PLXNA4: variants seen among roughly 807,000 people sequenced by gnomAD.
PLXNA4 encodes the protein plexin A4.
A neutral mutation model predicts 191.8 loss-of-function variants in PLXNA4; 44 were observed. That is an observed-to-expected ratio of 0.23 (90% CI 0.18 to 0.29). The LOEUF (loss-of-function observed/expected upper bound fraction) is 0.29. Ranked by LOEUF, PLXNA4 falls within the 10% of genes least tolerant of loss-of-function variation. The pLI, the probability that PLXNA4 is intolerant of heterozygous loss-of-function variation, is 1.00. For synonymous variants in PLXNA4, 1,082 were observed against 1,009.5 expected, an observed-to-expected ratio of 1.07 and a Z score of -1.36; for missense variants, 1,800 against 2,488.8, an observed-to-expected ratio of 0.72 and a Z score of 5.89.
At chr7:132,365,355 G>A (rs1377593006) in intron 3 of PLXNA4, among the ~76,000 whole-genome samples, 1 of 138,176 alleles carries the variant, frequency 7.2e-6, no homozygotes, top group Middle Eastern at 3.4e-3. Context: ...GTGTGTGTGT[G>A]TGTGTGCGTG....
At chr7:132,359,216 T>C (rs1803833239) in intron 3 of PLXNA4, among the ~76,000 whole-genome samples, 1 of 148,940 alleles carries the variant, frequency 6.7e-6, no homozygotes, top group Admixed American at 6.7e-5. Context: ...CTGCTTTTTT[T>C]TTTTTTTTTT....
In PLXNA4 at chr7:132,130,462, C is replaced by T; in HGVS notation, c.*17G>A. On this transcript the variant is annotated 3_prime_UTR_variant, in exon 32 of 32. Transcript: ENST00000321063. ...CTTGGTGTGTCCCCCTCCAGGGCGG[C>T]CCTGGAAGGACGGTTCTCAGCTGTC... The T allele has an allele frequency of 1.2e-6, 2 of 1,614,074 alleles. No homozygotes were observed. Among genetic ancestry groups the T allele is most frequent in the Non-Finnish European group, 1.7e-6 (2 of 1,179,962 alleles).
chr7:132,427,041 C>T (rs752881500), intron 3 of PLXNA4, among the ~76,000 whole-genome samples: 10 of 152,124 alleles, frequency 6.6e-5, no homozygotes, highest in Non-Finnish European at 1.3e-4. Flanking sequence ...GGATTCTTCC[C>T]CAGAACTAGT....
At position 132,124,110 on chromosome 7, in the gene PLXNA4, G is replaced by A. The variant is rs1015650511; in HGVS notation, c.*6369C>T. 6.6e-5 allele frequency: 10 copies of A among 152,234 alleles called. No individual in the cohort carries two copies. The highest frequency in any genetic ancestry group is 3.3e-4 in the Admixed American group (5 of 15,282). The allele number at this position is 152,234 out of a possible 1,614,324, so 9.4% of individuals were successfully genotyped here. The stretch of plus-strand genomic sequence containing the variant: ...TTCCTGCTCAAAGCAGCCAACACAC[G>A]ACTAAGCAAAGACCGTATGTCTCAA... On this transcript the variant is annotated 3_prime_UTR_variant, in exon 32 of 32. Transcript: ENST00000321063.
intron 3 of PLXNA4, among the ~76,000 whole-genome samples, chr7:132,344,602 C>T (rs759552625): frequency 6.6e-6 from 1 of 152,200 alleles, no homozygotes; most frequent in Non-Finnish European, 1.5e-5. Flanking sequence ...CTCCTTTAAA[C>T]CTCCTGGAGG....
intron 25 of PLXNA4, among the ~76,000 whole-genome samples, chr7:132,151,406 AGGAAGGAGGAGGAGGAGGAGGAGGAAGG>A: frequency 1.8e-5 from 1 of 56,498 alleles, no homozygotes; most frequent in African/African-American, 9.0e-5. Flanking sequence ...GAGGAGGAGG[AGGAAGGAGGAGGAGGAGGAGGAGGAAGG>A]AGGAGGAGGA....
intron 3 of PLXNA4, among the ~76,000 whole-genome samples, chr7:132,340,009 C>T (rs572115467): frequency 2.0e-5 from 3 of 152,314 alleles, no homozygotes; most frequent in African/African-American, 7.2e-5. Context: ...CTCAGCATCC[C>T]TGCCTAGCTA....
intron 3 of PLXNA4, chr7:132,384,739 T>G (rs2116957593): frequency 4.9e-6 from 5 of 1,024,982 alleles, no homozygotes; most frequent in Non-Finnish European, 5.8e-6. Flanking sequence ...TAAACACAGA[T>G]AAGCATACAC....
At chr7:132,241,257 A>G in intron 4 of PLXNA4, 91 bp from the exon 5 acceptor site, 1 of 826,756 alleles carries the variant, frequency 1.2e-6, no homozygotes, top group African/African-American at 1.7e-5. Flanking sequence ...TATCAAGTGT[A>G]TCACCTGAAA....
rs558859367 is a variant in PLXNA4 at position 132,124,709 on chromosome 7, CA to C, written c.*5769del. ...AGAGATGTGTAGGATTCGGCAGTAC[CA>C]GGGGCAGCCCAGAGAGCCAAGCATA... On this transcript the variant is annotated 3_prime_UTR_variant, in exon 32 of 32. Coordinates refer to ENST00000321063, the MANE Select transcript of PLXNA4 (RefSeq NM_020911.2). The C allele has an allele frequency of 3.0e-4, 45 of 152,310 alleles. No individual in the cohort carries two copies. The highest frequency in any genetic ancestry group is 1.0e-3 in the African/African-American group (43 of 41,576). The allele number at this position is 152,310 out of a possible 1,614,324, so 9.4% of individuals were successfully genotyped here. A position where few individuals can be genotyped will look rare whatever the true frequency, so the allele number is the denominator to read the frequency against.
chr7:132,494,296 G>GTTT (rs1797915945), intron 2 of PLXNA4, among the ~76,000 whole-genome samples: 3 of 152,196 alleles, frequency 2.0e-5, no homozygotes, highest in Non-Finnish European at 4.4e-5. Context: ...GAGACTGAGC[G>GTTT]CTATTCATTA....
chr7:132,351,145 G>C (rs1803468522), intron 3 of PLXNA4, among the ~76,000 whole-genome samples: 1 of 152,236 alleles, frequency 6.6e-6, no homozygotes, highest in South Asian at 2.1e-4. Context: ...TGGAGCTGGA[G>C]AGGGTGATGG....
At position 132,419,014 on chromosome 7, in the gene PLXNA4, G is replaced by T. The variant is rs192445735; in HGVS notation, c.1371+70278C>A. Among the ~76,000 whole-genome samples the T allele has an allele frequency of 2.0e-5, 3 of 152,362 alleles. No homozygotes were observed. In the East Asian group the frequency reaches 5.8e-4, roughly 29 times the overall value. On this transcript the variant is annotated intron_variant, in intron 3 of 31. Coordinates refer to ENST00000321063, the MANE Select transcript of PLXNA4 (RefSeq NM_020911.2). ...ATCTCACTTCTTGTCACCACGTACA[G>T]GCACCGTCTCCTTGTCACTGAGTAT...
At chr7:132,348,304 T>C (rs1350014617) in intron 3 of PLXNA4, among the ~76,000 whole-genome samples, 1 of 152,142 alleles carries the variant, frequency 6.6e-6, no homozygotes, top group Non-Finnish European at 1.5e-5. Context: ...ACCTACCTCC[T>C]AGGGTTTGCC....
intron 4 of PLXNA4, among the ~76,000 whole-genome samples, chr7:132,287,126 C>T (rs776827967): frequency 6.6e-6 from 1 of 152,144 alleles, no homozygotes; most frequent in African/African-American, 2.4e-5. Context: ...CCTCTGCCGC[C>T]TGGGTTCAAG....
chr7:132,611,401 G>A (rs1383297107), intron 2 of PLXNA4, among the ~76,000 whole-genome samples: 1 of 152,218 alleles, frequency 6.6e-6, no homozygotes, highest in Non-Finnish European at 1.5e-5. Flanking sequence ...ATATCTTAAC[G>A]CTTCCAAATC....
At chr7:132,406,272 G>T (rs1794215799) in intron 3 of PLXNA4, among the ~76,000 whole-genome samples, 1 of 152,214 alleles carries the variant, frequency 6.6e-6, no homozygotes, top group Non-Finnish European at 1.5e-5. Context: ...AATGGTCTGA[G>T]TATTTTTTCC....
In PLXNA4 at chr7:132,129,870, C is replaced by T. The variant is rs989997912; in HGVS notation, c.*609G>A. ...GGGGGAGAAGGAGCCTCAAGGAGCA[C>T]CTCCCAGCTGCCCACACATGCCCTG... On this transcript the variant is annotated 3_prime_UTR_variant, in exon 32 of 32. Coordinates refer to ENST00000321063, the MANE Select transcript of PLXNA4 (RefSeq NM_020911.2). The T allele has an allele frequency of 6.5e-6, 1 of 153,340 alleles. No individual in the cohort carries two copies. Among genetic ancestry groups the T allele is most frequent in the Admixed American group, 6.5e-5 (1 of 15,364 alleles). The allele number at this position is 153,340 out of a possible 1,614,324, so 9.5% of individuals were successfully genotyped here. A position where few individuals can be genotyped will look rare whatever the true frequency, so the allele number is the denominator to read the frequency against.
chr7:132,148,044 CA>C (rs1382063225), intron 26 of PLXNA4, 45 bp from the exon 27 acceptor site: 1 of 1,613,708 alleles, frequency 6.2e-7, no homozygotes, highest in African/African-American at 1.3e-5. Context: ...GCAGCTCTGC[CA>C]CTCCAGGAAA....
Sources: allele counts gnomAD v4.1 joint callset (sites outside exome capture counted in the v4.1 genomes callset), GRCh38; gene constraint gnomAD v4.1.1; transcripts MANE v1.5; gene names NCBI Gene and HGNC (gene_info 2026-07-23, HGNC 2026-07-21).